The following ASTN2 variants were observed in gnomAD, a reference collection of about 807,000 sequenced individuals.
ASTN2 encodes the protein astrotactin 2.
Under a neutral mutation model 139.8 loss-of-function variants are expected in ASTN2, and 54 were observed. The ratio of observed to expected loss-of-function variants is 0.39; its 90% confidence interval spans 0.31 to 0.48. The LOEUF (loss-of-function observed/expected upper bound fraction) is 0.48. ASTN2 is among the 20% of genes least tolerant of loss of function. The probability of loss-of-function intolerance (pLI) is 0.95; values close to 1 mark genes in which losing one functional copy is unlikely to be tolerated. For missense variants in ASTN2, 1,565 were observed against 1,725.1 expected (o/e 0.91, Z 1.64); for synonymous variants, 756 against 719.5 (o/e 1.05, Z -0.81).
chr9:117,383,277 G>A (rs1830316938), intron 1 of ASTN2, among the ~76,000 whole-genome samples: 1 of 152,118 alleles, frequency 6.6e-6, no homozygotes, highest in African/African-American at 2.4e-5. Context: ...GCTGACTCCT[G>A]TACTGTTTGT....
At chr9:116,724,293 T>C (rs1828555429) in intron 16 of ASTN2, among the ~76,000 whole-genome samples, 1 of 152,162 alleles carries the variant, frequency 6.6e-6, no homozygotes, top group African/African-American at 2.4e-5. Context: ...TTAAAGACTG[T>C]CATTGACACA....
chr9:116,905,705 T>C (rs535818900), intron 10 of ASTN2, among the ~76,000 whole-genome samples: 6 of 152,326 alleles, frequency 3.9e-5, no homozygotes, highest in African/African-American at 7.2e-5. Flanking sequence ...ATGACAAATA[T>C]ACCTTCATAA....
intron 11 of ASTN2, among the ~76,000 whole-genome samples, chr9:116,827,527 CA>C (rs1427800150): frequency 6.6e-6 from 1 of 151,950 alleles, no homozygotes; most frequent in Non-Finnish European, 1.5e-5. Context: ...CAAATAAATA[CA>C]ACCAGAAATA....
intron 19 of ASTN2, among the ~76,000 whole-genome samples, chr9:116,538,334 A>G (rs900046409): frequency 1.1e-4 from 17 of 152,268 alleles, no homozygotes; most frequent in Non-Finnish European, 2.2e-4. Flanking sequence ...GGAAGCAAGG[A>G]AAGAAGCGAG....
At chr9:116,733,036 A>G (rs983781918) in intron 14 of ASTN2, among the ~76,000 whole-genome samples, 4 of 152,234 alleles carry the variant, frequency 2.6e-5, no homozygotes, top group Admixed American at 1.3e-4. Context: ...CTTAAAACGA[A>G]CCAAGAAAAC....
chr9:116,648,080 G>T (rs1458349756), intron 17 of ASTN2, among the ~76,000 whole-genome samples: 1 of 151,142 alleles, frequency 6.6e-6, no homozygotes, highest in Non-Finnish European at 1.5e-5. Flanking sequence ...TGGCTCACTG[G>T]AACCACTGCC....
chr9:117,225,535 G>GTATGTATATGTA (rs369914209), intron 2 of ASTN2, among the ~76,000 whole-genome samples: 1 of 63,922 alleles, frequency 1.6e-5, no homozygotes. Flanking sequence ...CAAGCTGTAT[G>GTATGTATATGTA]TATATATATA....
At chr9:116,849,273 A>G (rs2132319397) in intron 11 of ASTN2, among the ~76,000 whole-genome samples, 1 of 152,214 alleles carries the variant, frequency 6.6e-6, no homozygotes, top group Non-Finnish European at 1.5e-5. Context: ...CTGGTGATCA[A>G]CTTAACCTTT....
chr9:116,806,624 T>C lies in ASTN2; in HGVS notation c.2208-804A>G, dbSNP rs543377826. ...ATAAGACAGACAAGAGAATGGTCTG[T>C]GAGATTGGACAGACCTGTACAAATG... On this transcript the variant is annotated intron_variant, in intron 12 of 22. Transcript: ENST00000313400. 9.9e-5 allele frequency among the ~76,000 whole-genome samples: 15 copies of C among 152,136 alleles called. No homozygotes were observed. The South Asian group carries it at 3.1e-3, about 32-fold the overall frequency.
chr9:116,988,711 T>C (rs1417602199), intron 7 of ASTN2, among the ~76,000 whole-genome samples: 1 of 152,118 alleles, frequency 6.6e-6, no homozygotes, highest in Non-Finnish European at 1.5e-5. Context: ...ATGAATGAAC[T>C]CAGCACAACC....
intron 13 of ASTN2, among the ~76,000 whole-genome samples, chr9:116,747,103 C>T (rs2132147336): frequency 6.6e-6 from 1 of 152,300 alleles, no homozygotes; most frequent in South Asian, 2.1e-4. Context: ...TAACAAGTAT[C>T]ATTTTTAAAG....
chr9:117,414,808 G>A lies in ASTN2; in HGVS notation c.131C>T (p.Pro44Leu). The A allele has an allele frequency of 1.6e-6, 2 of 1,225,740 alleles. No homozygotes were observed. Among genetic ancestry groups the A allele is most frequent in the South Asian group, 5.3e-5 (2 of 37,500 alleles). 75.9% of individuals were successfully genotyped at this position (1,225,740 alleles called of 1,614,324 possible). ...LLLLFLLLLP[P>L]PPLLAGATAA... ...GGTGGCGCCGGCCAGCAGCGGCGGC[G>A]GCGGCAGCAGGAGCAGGAACAGCAG... Residue 44 changes from proline (P) to leucine (L), a missense_variant, in exon 1 of 23, where the codon CCG (proline) becomes CTG (leucine). By Grantham distance (98) the Pro-to-Leu change is moderately conservative. Around this residue, in one of 4 missense-constraint regions of ASTN2, gnomAD observed 596 missense variants for 576.8 expected, o/e 1.03. Coordinates refer to ENST00000313400, the MANE Select transcript of ASTN2 (RefSeq NM_001365068.1). The surrounding 1 kb of genome is among the most constrained non-coding windows in gnomAD (Gnocchi z 4.2).
At chr9:116,959,312 G>A (rs1207691839) in intron 10 of ASTN2, among the ~76,000 whole-genome samples, 1 of 152,054 alleles carries the variant, frequency 6.6e-6, no homozygotes, top group African/African-American at 2.4e-5. Context: ...GAGGTATGAG[G>A]ACCTAAAAGC....
chr9:117,012,284 C>T (rs566365235), intron 6 of ASTN2, among the ~76,000 whole-genome samples: 35 of 152,230 alleles, frequency 2.3e-4, no homozygotes, highest in Non-Finnish European at 4.6e-4. Flanking sequence ...ACATCACTAT[C>T]GTGGCTCCTG....
At chr9:117,250,385 A>T (rs991568790) in intron 2 of ASTN2, among the ~76,000 whole-genome samples, 2 of 152,256 alleles carry the variant, frequency 1.3e-5, no homozygotes, top group Non-Finnish European at 2.9e-5. Context: ...TAGTTTATAC[A>T]TGTAAGGAAT....
chr9:117,048,287 C>T (rs1198301089), intron 5 of ASTN2, among the ~76,000 whole-genome samples: 1 of 152,158 alleles, frequency 6.6e-6, no homozygotes, highest in Non-Finnish European at 1.5e-5. Context: ...TTCAAGAGAA[C>T]CTCTCCCCAT....
intron 1 of ASTN2, among the ~76,000 whole-genome samples, chr9:117,298,706 G>A (rs982985449): frequency 1.6e-4 from 9 of 56,398 alleles, no homozygotes; most frequent in South Asian, 4.3e-4. Context: ...ATATGTATGT[G>A]TGTGTGTGTG....
intron 10 of ASTN2, among the ~76,000 whole-genome samples, chr9:116,902,714 G>A (rs112891306): frequency 0.04 from 6,019 of 151,936 alleles, 413 homozygotes; most frequent in African/African-American, 0.14. Context: ...ATATCCTTTT[G>A]GTTCTGCTTT....
At chr9:117,144,215 C>G (rs376647255) in intron 3 of ASTN2, among the ~76,000 whole-genome samples, 6 of 152,110 alleles carry the variant, frequency 3.9e-5, no homozygotes, top group Non-Finnish European at 8.8e-5. Context: ...CACCAGAACT[C>G]GAACATGCTA....
Sources: gnomAD v4.1 joint callset for allele counts (sites outside exome capture counted in the v4.1 genomes callset) on GRCh38, gnomAD v4.1.1 for gene constraint, gnomAD v4.1.1 regional missense constraint, Gnocchi (gnomAD v3.1) non-coding constraint, MANE v1.5 for transcripts, NCBI Gene and HGNC (gene_info 2026-07-23, HGNC 2026-07-21) for gene names.